NCKAP5: variants seen among roughly 807,000 people sequenced by gnomAD.
NCKAP5 encodes NCK associated protein 5.
A neutral mutation model predicts 167.0 loss-of-function variants in NCKAP5; 92 were observed. That is an observed-to-expected ratio of 0.55 (90% CI 0.47 to 0.66). The LOEUF (loss-of-function observed/expected upper bound fraction) is 0.66, where lower values mean the gene tolerates loss of function less well. Ranked by LOEUF, NCKAP5 falls within the 30% of genes least tolerant of loss-of-function variation. The pLI is 0.00. For synonymous variants in NCKAP5, 891 were observed against 877.4 expected, an observed-to-expected ratio of 1.02 and a Z score of -0.27; for missense variants, 2,378 against 2,315.0, an observed-to-expected ratio of 1.03 and a Z score of -0.56.
chr2:132,913,273 G>A (rs927677709), intron 8 of NCKAP5, among the ~76,000 whole-genome samples: 1 of 151,978 alleles, frequency 6.6e-6, no homozygotes, highest in Non-Finnish European at 1.5e-5. Flanking sequence ...AAGATAAAGA[G>A]ACTTTAATAA....
At chr2:132,720,145 T>C (rs1414679648) in intron 19 of NCKAP5, among the ~76,000 whole-genome samples, 1 of 152,196 alleles carries the variant, frequency 6.6e-6, no homozygotes, top group Non-Finnish European at 1.5e-5. Context: ...CTTTACACTG[T>C]TGTCCCCCGC....
intron 9 of NCKAP5, among the ~76,000 whole-genome samples, chr2:132,878,566 G>A (rs946876602): frequency 6.6e-6 from 1 of 150,666 alleles, no homozygotes; most frequent in African/African-American, 2.4e-5. Flanking sequence ...CAACCAAAAG[G>A]AATATACAGA....
intron 11 of NCKAP5, among the ~76,000 whole-genome samples, chr2:132,849,299 C>G (rs1688906675): frequency 1.3e-5 from 2 of 152,144 alleles, no homozygotes. Flanking sequence ...CAGGGCATTT[C>G]CAACTCCTGC....
At chr2:133,352,891 C>T (rs888573583) in intron 3 of NCKAP5, among the ~76,000 whole-genome samples, 4 of 152,166 alleles carry the variant, frequency 2.6e-5, no homozygotes, top group Admixed American at 6.5e-5. Flanking sequence ...TGTACTGGCT[C>T]AGGATACATT....
the NCKAP5 span, among the ~76,000 whole-genome samples, chr2:133,596,963 T>C: frequency 6.0e-3 from 914 of 152,336 alleles, 29 homozygotes; most frequent in Admixed American, 0.053. Context: ...TTCCTCTTAG[T>C]TGCTGCAGGA....
At chr2:133,109,776 T>G (rs976193252) in intron 6 of NCKAP5, among the ~76,000 whole-genome samples, 3 of 150,656 alleles carry the variant, frequency 2.0e-5, no homozygotes, top group Admixed American at 6.6e-5. Flanking sequence ...AAAAAAAAAC[T>G]TACGTAAAAC....
At chr2:133,526,293 G>C (rs1575106831) in intron 2 of NCKAP5, among the ~76,000 whole-genome samples, 1 of 70,472 alleles carries the variant, frequency 1.4e-5, no homozygotes, top group Non-Finnish European at 2.6e-5. Flanking sequence ...GGGAGGGAGG[G>C]AAGGAGGGAG....
chr2:133,534,853 A>C (rs755662849), intron 2 of NCKAP5, among the ~76,000 whole-genome samples: 2 of 152,182 alleles, frequency 1.3e-5, no homozygotes, highest in Non-Finnish European at 2.9e-5. Flanking sequence ...TTAGGAGAGA[A>C]ATTGCCGGAT....
At chr2:133,044,463 A>G (rs976744100) in intron 6 of NCKAP5, among the ~76,000 whole-genome samples, 14 of 152,180 alleles carry the variant, frequency 9.2e-5, no homozygotes. Flanking sequence ...TAAAGGGCCC[A>G]TAAACATGTA....
At chr2:133,459,295 C>T (rs1209369940) in intron 3 of NCKAP5, among the ~76,000 whole-genome samples, 2 of 152,142 alleles carry the variant, frequency 1.3e-5, no homozygotes, top group East Asian at 3.8e-4. Flanking sequence ...ATCCTCCTGC[C>T]TTCCAAAATG....
At chr2:132,850,926 T>C (rs16842477) in intron 11 of NCKAP5, among the ~76,000 whole-genome samples, 9,374 of 152,096 alleles carry the variant, frequency 0.062, 577 homozygotes, top group African/African-American at 0.13. Context: ...GGCATCGGCT[T>C]CCTATCAGGG....
At chr2:133,502,033 G>A (rs1342457596) in intron 3 of NCKAP5, among the ~76,000 whole-genome samples, 1 of 152,188 alleles carries the variant, frequency 6.6e-6, no homozygotes, top group African/African-American at 2.4e-5. Context: ...GTAGATCCTT[G>A]AGTGTCCGTT....
At chr2:133,203,633 C>T (rs947719293) in intron 5 of NCKAP5, among the ~76,000 whole-genome samples, 10 of 152,218 alleles carry the variant, frequency 6.6e-5, no homozygotes, top group Non-Finnish European at 1.2e-4. Context: ...TGGAAGAATG[C>T]TATCTCTGCC....
chr2:133,665,939 T>A, the NCKAP5 span, among the ~76,000 whole-genome samples: 1 of 152,176 alleles, frequency 6.6e-6, no homozygotes, highest in African/African-American at 2.4e-5. Flanking sequence ...GCTAAAGCTA[T>A]GTTTTACTTA....
chr2:133,147,223 T>C (rs2083230096), intron 5 of NCKAP5, among the ~76,000 whole-genome samples: 1 of 152,144 alleles, frequency 6.6e-6, no homozygotes, highest in Admixed American at 6.6e-5. Context: ...TACTAAATAT[T>C]AATACCTACT....
chr2:132,709,154 C>CTT (rs376292503), intron 19 of NCKAP5, among the ~76,000 whole-genome samples: 5,271 of 151,762 alleles, frequency 0.035, 318 homozygotes, highest in African/African-American at 0.12. Flanking sequence ...TACACCCCCC[C>CTT]ACCAAACCAA....
chr2:132,870,366 C>G (rs1023514843), intron 9 of NCKAP5, among the ~76,000 whole-genome samples: 1 of 152,150 alleles, frequency 6.6e-6, no homozygotes, highest in African/African-American at 2.4e-5. Flanking sequence ...AATACATACA[C>G]TGTAAACATT....
chr2:133,595,987 A>T, the NCKAP5 span: 1 of 152,258 alleles, frequency 6.6e-6, no homozygotes, highest in South Asian at 2.1e-4. Flanking sequence ...GTATCAAAAC[A>T]TCATACCTAT....
Position 132,963,706 on chromosome 2 carries a change from G to C in NCKAP5, c.579+14C>G, listed in dbSNP as rs535810996. 2 of 1,610,236 alleles carry C rather than the reference G, an allele frequency of 1.2e-6. No individual in the cohort carries two copies. Among genetic ancestry groups the C allele is most frequent in the Non-Finnish European group, 1.7e-6 (2 of 1,178,766 alleles). On this transcript the variant is annotated intron_variant, in intron 8 of 19. Coordinates refer to ENST00000409261, the MANE Select transcript of NCKAP5 (RefSeq NM_207363.3). ...ATTTTTCTTGAAGAGTGTAAAAATT[G>C]CTTCATTTCTTACCTCTAGAGCTTT...
Sources: allele counts gnomAD v4.1 joint callset (sites outside exome capture counted in the v4.1 genomes callset), GRCh38; gene constraint gnomAD v4.1.1; transcripts MANE v1.5; gene names NCBI Gene and HGNC (gene_info 2026-07-23, HGNC 2026-07-21).